Variants in DGKB observed in about 807,000 individuals in gnomAD.
DGKB encodes diacylglycerol kinase beta.
Under a neutral mutation model 114.3 loss-of-function variants are expected in DGKB, and 67 were observed. The ratio of observed to expected loss-of-function variants is 0.59; its 90% CI spans 0.48 to 0.72. DGKB has a LOEUF of 0.72. Among genes scored for constraint, DGKB ranks in the 30% least tolerant of loss-of-function variants. The probability of loss-of-function intolerance (pLI) is 0.00; values close to 1 mark genes in which losing one functional copy is unlikely to be tolerated. For missense variants in DGKB, 907 were observed against 975.2 expected (o/e 0.93, Z 0.93); for synonymous variants, 398 against 323.1 (o/e 1.23, Z -2.49).
intron 5 of DGKB, among the ~76,000 whole-genome samples, chr7:14,729,060 C>T (rs946840133): frequency 5.0e-4 from 76 of 151,276 alleles, no homozygotes; most frequent in African/African-American, 1.6e-3. Context: ...ATATGGTACA[C>T]GTATTTACTT....
chr7:14,797,824 T>C (rs568362689), intron 2 of DGKB, among the ~76,000 whole-genome samples: 21 of 152,162 alleles, frequency 1.4e-4, no homozygotes, highest in Admixed American at 3.9e-4. Context: ...CTCCTGTTTT[T>C]CACAGAGCAG....
At chr7:14,295,206 T>C (rs1249939809) in intron 23 of DGKB, among the ~76,000 whole-genome samples, 1 of 152,184 alleles carries the variant, frequency 6.6e-6, no homozygotes, top group Non-Finnish European at 1.5e-5. Context: ...CAATTTTACT[T>C]TATAGAAAGG....
chr7:14,772,223 CAT>C (rs796375678), intron 2 of DGKB, among the ~76,000 whole-genome samples: 21 of 152,228 alleles, frequency 1.4e-4, no homozygotes, highest in African/African-American at 5.1e-4. Flanking sequence ...CATGGTCATT[CAT>C]ATTTAGCTTA....
upstream of DGKB, among the ~76,000 whole-genome samples, chr7:14,906,197 A>T (rs1044973017): frequency 6.6e-6 from 1 of 151,812 alleles, no homozygotes; most frequent in Non-Finnish European, 1.5e-5. Flanking sequence ...TAGTCTTGTG[A>T]TTACTGGACT....
chr7:14,923,850 C>G (rs1784622208), intron 1 of DGKB, among the ~76,000 whole-genome samples: 1 of 151,822 alleles, frequency 6.6e-6, no homozygotes. Context: ...CAAAAATTAG[C>G]CGGGTGTGGT....
intron 20 of DGKB, among the ~76,000 whole-genome samples, chr7:14,522,879 A>C (rs569905221): frequency 6.6e-6 from 1 of 152,302 alleles, no homozygotes; most frequent in South Asian, 2.1e-4. Flanking sequence ...ATAGAGAAAT[A>C]TATGGTATTC....
intron 13 of DGKB, among the ~76,000 whole-genome samples, chr7:14,656,197 G>T (rs1815747612): frequency 6.6e-6 from 1 of 151,422 alleles, no homozygotes; most frequent in Admixed American, 6.6e-5. Context: ...AACAAAAAAT[G>T]CAAAAAACCA....
At chr7:14,248,083 C>A (rs913882419) in intron 23 of DGKB, among the ~76,000 whole-genome samples, 1 of 151,956 alleles carries the variant, frequency 6.6e-6, no homozygotes, top group African/African-American at 2.4e-5. Flanking sequence ...TCCAGGTTTC[C>A]CAACACCATT....
intron 15 of DGKB, among the ~76,000 whole-genome samples, chr7:14,619,161 T>C (rs1450219959): frequency 6.6e-6 from 1 of 151,472 alleles, no homozygotes. Context: ...ATTCAAAAAA[T>C]TATTACTACA....
At chr7:14,851,806 G>A (rs1359095149) in intron 1 of DGKB, among the ~76,000 whole-genome samples, 1 of 152,202 alleles carries the variant, frequency 6.6e-6, no homozygotes, top group African/African-American at 2.4e-5. Context: ...AAGAAGCCAT[G>A]TATAAGTGTA....
At chr7:14,263,846 T>G (rs1797124581) in intron 23 of DGKB, among the ~76,000 whole-genome samples, 1 of 152,226 alleles carries the variant, frequency 6.6e-6, no homozygotes, top group African/African-American at 2.4e-5. Flanking sequence ...TATATGCCAC[T>G]TCACACACTG....
rs566484418 is a variant in DGKB at position 14,733,222 on chromosome 7, T to C, written c.322+2819A>G. On this transcript the variant is annotated intron_variant, in intron 5 of 25. Coordinates refer to ENST00000402815, the MANE Select transcript of DGKB (RefSeq NM_001350709.2). The stretch of plus-strand genomic sequence containing the variant: ...TGCGGTGAGGCCTCTCAATTCATGA[T>C]TGAAAGAGAATTATTTAAGAATCTA... Among the ~76,000 whole-genome samples, 18 of 152,260 alleles carry C rather than the reference T, an allele frequency of 1.2e-4. No homozygotes were observed. The South Asian group carries it at 2.9e-3, about 25-fold the overall frequency.
intron 23 of DGKB, among the ~76,000 whole-genome samples, chr7:14,232,055 G>C (rs1562687997): frequency 6.6e-6 from 1 of 151,926 alleles, no homozygotes; most frequent in Non-Finnish European, 1.5e-5. Context: ...ATCCCGGTTT[G>C]CTAAGGACCA....
chr7:14,389,146 C>T (rs562258023), intron 21 of DGKB, among the ~76,000 whole-genome samples: 12 of 152,248 alleles, frequency 7.9e-5, no homozygotes, highest in African/African-American at 2.4e-4. Context: ...GGCAGCATTT[C>T]GGATGAGGCC....
At chr7:14,244,666 T>C (rs1794191008) in intron 23 of DGKB, among the ~76,000 whole-genome samples, 1 of 94,636 alleles carries the variant, frequency 1.1e-5, no homozygotes. Context: ...TGAGACTCTG[T>C]CTCAAAAAAA....
chr7:14,538,397 C>T (rs79819252), intron 20 of DGKB, among the ~76,000 whole-genome samples: 2,200 of 152,252 alleles, frequency 0.014, 22 homozygotes, highest in Non-Finnish European at 0.022. Flanking sequence ...CTCAATATTG[C>T]TAACCCTCAA....
intron 22 of DGKB, among the ~76,000 whole-genome samples, chr7:14,343,392 A>C (rs962996343): frequency 6.6e-6 from 1 of 151,888 alleles, no homozygotes; most frequent in African/African-American, 2.4e-5. Flanking sequence ...CATTCTAAAT[A>C]GTTTTTCTGT....
At chr7:14,337,444 A>G (rs1044965937) in intron 23 of DGKB, among the ~76,000 whole-genome samples, 2 of 152,106 alleles carry the variant, frequency 1.3e-5, no homozygotes, top group South Asian at 4.1e-4. Flanking sequence ...GCAGGTTGTG[A>G]TAAGCATTTC....
Position 14,888,246 on chromosome 7 carries a change from G to T in DGKB, c.-188+14346C>A, listed in dbSNP as rs146908187. 5.7e-3 allele frequency among the ~76,000 whole-genome samples: 859 copies of T among 151,800 alleles called. 10 individuals carry two copies. The highest frequency in any genetic ancestry group is 0.02 in the African/African-American group (818 of 41,478). On this transcript the variant is annotated intron_variant, in intron 1 of 25. Coordinates refer to ENST00000402815, the MANE Select transcript of DGKB (RefSeq NM_001350709.2). ...GGTAATGGCTAAGGAAGTAGTGGGAGGCACAGAGACAGAGGCTCCAAAGGT... is the reference window on the plus strand; with the variant it reads ...GGTAATGGCTAAGGAAGTAGTGGGATGCACAGAGACAGAGGCTCCAAAGGT...
Sources: allele counts gnomAD v4.1 joint callset (sites outside exome capture counted in the v4.1 genomes callset), GRCh38; gene constraint gnomAD v4.1.1; transcripts MANE v1.5; gene names NCBI Gene and HGNC (gene_info 2026-07-23, HGNC 2026-07-21).